Variants in FRRS1 observed in about 807,000 individuals in gnomAD.
FRRS1 encodes the protein ferric reductase 1.
A neutral mutation model predicts 70.7 loss-of-function variants in FRRS1; 51 were observed. The observed-to-expected ratio is 0.72, with a 90% confidence interval of 0.58 to 0.91. FRRS1 has a LOEUF of 0.91. FRRS1 is among the 40% of genes least tolerant of loss of function. The probability of loss-of-function intolerance (pLI) is 0.00; values close to 1 mark genes in which losing one functional copy is unlikely to be tolerated. For missense variants in FRRS1, 672 were observed against 726.0 expected (o/e 0.93, Z 0.86); for synonymous variants, 225 against 238.7 (o/e 0.94, Z 0.53).
intron 1 of FRRS1, 58 bp from the exon 2 acceptor site, chr1:99,749,059 T>C (rs1043713117): frequency 8.3e-6 from 2 of 240,368 alleles, no homozygotes; most frequent in Non-Finnish European, 1.6e-5. Context: ...TCTCGAGACA[T>C]AGATCTCGCT....
intron 7 of FRRS1, among the ~76,000 whole-genome samples, chr1:99,736,925 C>T (rs976171893): frequency 2.6e-5 from 4 of 151,510 alleles, no homozygotes; most frequent in African/African-American, 9.7e-5. Flanking sequence ...ACTTTCAGGA[C>T]GAGCATTAGT....
chr1:99,738,194 A>C lies in FRRS1; in HGVS notation c.651T>G (p.Ala217=). The change falls in exon 7 of 17, where the codon GCT becomes GCG. Residue 217 remains alanine (A), a synonymous_variant. Coordinates refer to ENST00000646001, the MANE Select transcript of FRRS1 (RefSeq NM_001361041.2). ...TTGTGAAGGACAAGAAGACACAGGA[A>C]GCCTCCTTCTCTGGGTCACAGTTCA... ...SPLNCDPEKE[A]SCVFLSFTRD... 6.2e-7 allele frequency: 1 copy of C among 1,613,996 alleles called. No individual in the cohort carries two copies. The highest frequency in any genetic ancestry group is 8.5e-7 in the Non-Finnish European group (1 of 1,179,858).
chr1:99,721,645 C>A (rs894558023), intron 9 of FRRS1, among the ~76,000 whole-genome samples: 2 of 150,586 alleles, frequency 1.3e-5, no homozygotes, highest in African/African-American at 4.9e-5. Flanking sequence ...GTCGCCCAGG[C>A]TGGAGTGCAG....
intron 3 of FRRS1, 136 bp from the exon 4 acceptor site, chr1:99,747,566 C>A: frequency 2.7e-6 from 2 of 739,448 alleles, no homozygotes; most frequent in Admixed American, 3.2e-5. Context: ...ATCTTATAGG[C>A]AAAGAAGCTC....
At chr1:99,727,902 T>C (rs1655145141) in intron 9 of FRRS1, among the ~76,000 whole-genome samples, 1 of 152,248 alleles carries the variant, frequency 6.6e-6, no homozygotes, top group Non-Finnish European at 1.5e-5. Flanking sequence ...TATGTTAGGC[T>C]GTACTTGGCA....
In FRRS1 at chr1:99,747,312, C is replaced by G. The variant is rs370902681; in HGVS notation, c.315G>C (p.Leu105Phe). ...CACAAACCTGTATATCTTCACAGGTCAAAAGTTGTGACACTTCACTGTCAA... is the reference window on the plus strand; with the variant it reads ...CACAAACCTGTATATCTTCACAGGTGAAAAGTTGTGACACTTCACTGTCAA... ...TLIDSEVSQL[L>F]TCEDIQGSAV... The change falls in exon 4 of 17, where the codon TTG (leucine) becomes TTC (phenylalanine). Residue 105 changes from leucine (L) to phenylalanine (F), a missense_variant. By Grantham distance (22) the Leu-to-Phe change is conservative. Coordinates refer to ENST00000646001, the MANE Select transcript of FRRS1 (RefSeq NM_001361041.2). The G allele has an allele frequency of 6.2e-7, 1 of 1,613,548 alleles. No individual in the cohort carries two copies. The highest frequency in any genetic ancestry group is 1.3e-5 in the African/African-American group (1 of 74,988).
intron 9 of FRRS1, among the ~76,000 whole-genome samples, chr1:99,722,561 A>C (rs530827545): frequency 2.6e-5 from 4 of 152,234 alleles, no homozygotes; most frequent in Non-Finnish European, 4.4e-5. Flanking sequence ...GAATGTGAGG[A>C]TCATTCACTG....
chr1:99,735,985 T>C (rs1655638554), intron 7 of FRRS1, among the ~76,000 whole-genome samples: 1 of 152,226 alleles, frequency 6.6e-6, no homozygotes, highest in Non-Finnish European at 1.5e-5. Context: ...ATGAGTGCTG[T>C]AACTCAGAGA....
At chr1:99,725,280 T>G (rs1294623943) in intron 9 of FRRS1, among the ~76,000 whole-genome samples, 1 of 152,258 alleles carries the variant, frequency 6.6e-6, no homozygotes, top group Non-Finnish European at 1.5e-5. Context: ...GCCCGTCGGT[T>G]GGGGATCCCT....
chr1:99,721,405 A>G (rs959159454), intron 9 of FRRS1, among the ~76,000 whole-genome samples: 17 of 151,328 alleles, frequency 1.1e-4, no homozygotes, highest in Admixed American at 8.6e-4. Flanking sequence ...AAAAAAAAAA[A>G]GGAAATTTAA....
At position 99,715,657 on chromosome 1, in the gene FRRS1, T is replaced by C. The variant is rs1010993410; in HGVS notation, c.1252A>G (p.Met418Val). 2.5e-6 allele frequency: 4 copies of C among 1,612,588 alleles called. No individual in the cohort carries two copies. Among genetic ancestry groups the C allele is most frequent in the Non-Finnish European group, 2.5e-6 (3 of 1,178,646 alleles). The change falls in exon 12 of 17, where the codon ATG becomes GTG. Residue 418 changes from methionine to valine, a missense_variant. By Grantham distance (21) the Met-to-Val change is conservative. Coordinates refer to ENST00000646001, the MANE Select transcript of FRRS1 (RefSeq NM_001361041.2). ...CAGGTGAGGACAGTTGTGGTGAACATGAGCATCCGATGCACCTGCAAGGTA... is the reference window on the plus strand; with the variant it reads ...CAGGTGAGGACAGTTGTGGTGAACACGAGCATCCGATGCACCTGCAAGGTA... Reference protein sequence around the residue: ...AAWFQVHRMLMFTTTVLTCIA... With the variant: ...AAWFQVHRMLVFTTTVLTCIA...
chr1:99,754,120 G>A (rs185700823), intron 1 of FRRS1, among the ~76,000 whole-genome samples: 58 of 152,222 alleles, frequency 3.8e-4, no homozygotes, highest in African/African-American at 1.4e-3. Context: ...AAATAAGTGA[G>A]GCAAAAACTA....
chr1:99,715,822 A>ACT, intron 11 of FRRS1, 150 bp from the exon 12 acceptor site: 1 of 553,224 alleles, frequency 1.8e-6, no homozygotes. Flanking sequence ...TAGCCAGGTT[A>ACT]AGAAAAAAAA....
chr1:99,749,686 T>C (rs1237126089), intron 1 of FRRS1, among the ~76,000 whole-genome samples: 1 of 152,192 alleles, frequency 6.6e-6, no homozygotes, highest in Non-Finnish European at 1.5e-5. Flanking sequence ...GAAACACAAT[T>C]GTCAGCCCAC....
Position 99,704,114 on chromosome 1 carries a change from G to A in FRRS1, c.*4914C>T, listed in dbSNP as rs1396295792. On this transcript the variant is annotated 3_prime_UTR_variant, in exon 17 of 17. Transcript: ENST00000646001. The stretch of plus-strand genomic sequence containing the variant: ...CAAAGACATCATCAAAAACATGTAC[G>A]AAGCAAGCACCTTTTGCTGGCATCA... Among the ~76,000 whole-genome samples the A allele has an allele frequency of 1.3e-5, 2 of 152,080 alleles. No homozygotes were observed. The highest frequency in any genetic ancestry group is 4.8e-5 in the African/African-American group (2 of 41,416).
At chr1:99,711,744 G>A (rs1413951102) in intron 14 of FRRS1, among the ~76,000 whole-genome samples, 1 of 152,202 alleles carries the variant, frequency 6.6e-6, no homozygotes, top group Non-Finnish European at 1.5e-5. Flanking sequence ...AGGACCTGGA[G>A]ATGGAAAGCT....
intron 5 of FRRS1, among the ~76,000 whole-genome samples, chr1:99,741,907 G>A (rs1655983452): frequency 6.6e-6 from 1 of 152,198 alleles, no homozygotes; most frequent in Non-Finnish European, 1.5e-5. Context: ...CATCAGGAAG[G>A]TTGTGTTATT....
At chr1:99,751,647 C>T (rs1283140843) in intron 1 of FRRS1, among the ~76,000 whole-genome samples, 1 of 151,934 alleles carries the variant, frequency 6.6e-6, no homozygotes, top group African/African-American at 2.4e-5. Flanking sequence ...TTCTATACCC[C>T]AAAAGATTAT....
rs1004934647 is a variant in FRRS1, at chr1:99,753,299, T to C, written c.-105-4298A>G. Among the ~76,000 whole-genome samples, 7 of 151,344 alleles carry C rather than the reference T, an allele frequency of 4.6e-5. No individual in the cohort carries two copies. The South Asian group carries it at 1.3e-3, about 27-fold the overall frequency. On this transcript the variant is annotated intron_variant, in intron 1 of 16. Transcript: ENST00000646001. ...ACTTTGGGAGGGAAGGGCAGGAAGATTGCTTGAGCCCAGGAGTTTGAAACC... is the reference window on the plus strand; with the variant it reads ...ACTTTGGGAGGGAAGGGCAGGAAGACTGCTTGAGCCCAGGAGTTTGAAACC...
Sources: gnomAD v4.1 joint callset for allele counts (sites outside exome capture counted in the v4.1 genomes callset) on GRCh38, gnomAD v4.1.1 for gene constraint, MANE v1.5 for transcripts, NCBI Gene and HGNC (gene_info 2026-07-23, HGNC 2026-07-21) for gene names.